Variants in SUV39H2 observed in about 807,000 individuals in gnomAD.
SUV39H2 encodes the protein SUV39H2 histone lysine methyltransferase.
Under a neutral mutation model 47.5 loss-of-function variants are expected in SUV39H2, and 10 were observed. The observed-to-expected ratio is 0.21, with a 90% CI of 0.13 to 0.36. The LOEUF is 0.36. SUV39H2 is among the 10% of genes least tolerant of loss of function. The pLI, the probability that SUV39H2 is intolerant of heterozygous loss-of-function variation, is 1.00. For synonymous variants in SUV39H2, 159 were observed against 166.8 expected (o/e 0.95, Z 0.36); for missense variants, 266 against 487.4 (o/e 0.55, Z 4.28).
At chr10:14,892,052 C>G (rs1271180941) in intron 2 of SUV39H2, among the ~76,000 whole-genome samples, 1 of 152,148 alleles carries the variant, frequency 6.6e-6, no homozygotes, top group Non-Finnish European at 1.5e-5. Context: ...AAAGGGATGC[C>G]AGACAGGGTC....
intron 2 of SUV39H2, among the ~76,000 whole-genome samples, chr10:14,890,432 G>A (rs1262756091): frequency 1.3e-5 from 2 of 152,158 alleles, no homozygotes; most frequent in Non-Finnish European, 2.9e-5. Context: ...TCACTCTGTT[G>A]CCCAAGCTGG....
chr10:14,886,998 G>T (rs1833231188), intron 2 of SUV39H2, among the ~76,000 whole-genome samples: 1 of 152,174 alleles, frequency 6.6e-6, no homozygotes. Flanking sequence ...GTGAGTGAAG[G>T]ATTTTTCAGC....
intron 2 of SUV39H2, among the ~76,000 whole-genome samples, chr10:14,890,981 C>T (rs897826164): frequency 6.6e-6 from 1 of 152,052 alleles, no homozygotes; most frequent in Non-Finnish European, 1.5e-5. Flanking sequence ...TTAGTCACAG[C>T]CTAAGATATG....
intron 1 of SUV39H2, chr10:14,879,180 C>A: frequency 8.8e-7 from 1 of 1,132,642 alleles, no homozygotes; most frequent in Non-Finnish European, 1.1e-6. Context: ...GGCCTCTCCG[C>A]CCGCTCGGCC....
intron 3 of SUV39H2, chr10:14,898,859 C>T (rs1833789222): frequency 4.9e-6 from 1 of 202,116 alleles, no homozygotes; most frequent in African/African-American, 2.3e-5. Context: ...TTTGTAACTG[C>T]ATATATATAA....
chr10:14,890,317 A>C (rs1833347175), intron 2 of SUV39H2, among the ~76,000 whole-genome samples: 1 of 152,168 alleles, frequency 6.6e-6, no homozygotes, highest in African/African-American at 2.4e-5. Flanking sequence ...TGGCATGAAA[A>C]TTCAGTGATT....
intron 4 of SUV39H2, 76 bp from the exon 5 acceptor site, chr10:14,901,057 T>C: frequency 6.5e-7 from 1 of 1,536,214 alleles, no homozygotes; most frequent in East Asian, 2.3e-5. Context: ...TCTAGGAAAG[T>C]AAACATTTTA....
intron 2 of SUV39H2, among the ~76,000 whole-genome samples, chr10:14,884,708 T>C (rs557883322): frequency 7.2e-5 from 11 of 152,186 alleles, no homozygotes; most frequent in Non-Finnish European, 1.5e-4. Context: ...TTATTCAACT[T>C]TTCCCCATTT....
At chr10:14,899,102 T>G (rs1414619350) in intron 3 of SUV39H2, 1 of 632,680 alleles carries the variant, frequency 1.6e-6, no homozygotes, top group African/African-American at 1.8e-5. Context: ...GGAGGCTCAC[T>G]TGAGCCCAGG....
intron 3 of SUV39H2, chr10:14,899,140 T>C (rs2131712002): frequency 1.5e-6 from 1 of 684,442 alleles, no homozygotes; most frequent in Admixed American, 2.0e-5. Context: ...GGCAACATAG[T>C]GAGACCCCAC....
chr10:14,901,303 TA>T (rs1408232664), intron 5 of SUV39H2, 41 bp downstream of exon 5: 1 of 1,611,184 alleles, frequency 6.2e-7, no homozygotes, highest in African/African-American at 1.3e-5. Context: ...TCAGTTTCAA[TA>T]TGAAGAATCA....
At chr10:14,895,358 A>G (rs932732761) in intron 2 of SUV39H2, among the ~76,000 whole-genome samples, 2 of 151,920 alleles carry the variant, frequency 1.3e-5, no homozygotes, top group Admixed American at 1.3e-4. Context: ...TTGTATTTTT[A>G]GTAGACAGGG....
At position 14,899,586 on chromosome 10, in the gene SUV39H2, C is replaced by T. The variant is rs2131714903; in HGVS notation, c.897C>T (p.Asn299=). ...AAAGACGAGGACAGTTCTATGACAA[C>T]AAGGGAATCACGTATCTCTTTGATC... The part of the protein sequence containing the change: ...EAERRGQFYD[N]KGITYLFDLD... The change falls in exon 4 of 6, where the codon AAC becomes AAT. Residue 299 remains asparagine (N), a synonymous_variant. Coordinates refer to ENST00000354919, the MANE Select transcript of SUV39H2 (RefSeq NM_001193424.2). 3 of 1,614,104 alleles carry T rather than the reference C, an allele frequency of 1.9e-6. No individual in the cohort carries two copies. Among genetic ancestry groups the T allele is most frequent in the African/African-American group, 2.7e-5 (2 of 75,034 alleles).
At chr10:14,880,101 T>C (rs1186639247) in intron 1 of SUV39H2, 1 of 152,098 alleles carries the variant, frequency 6.6e-6, no homozygotes, top group Non-Finnish European at 1.5e-5. Flanking sequence ...CTAGTTTTTG[T>C]AGATGGAAGG....
In SUV39H2 at chr10:14,886,537, C is replaced by G. The variant is rs75550031; in HGVS notation, c.177+4892C>G. ...GTCCATGGTCATTGAATTGAATTGTCTTTTGCTTCGGTCATGTTTCTAGGG... is the reference window on the plus strand; with the variant it reads ...GTCCATGGTCATTGAATTGAATTGTGTTTTGCTTCGGTCATGTTTCTAGGG... On this transcript the variant is annotated intron_variant, in intron 2 of 5. Transcript: ENST00000354919. Among the ~76,000 whole-genome samples the G allele has an allele frequency of 3.6e-3, 542 of 152,320 alleles. 4 individuals are homozygous for G. The highest frequency in any genetic ancestry group is 0.012 in the African/African-American group (509 of 41,582).
chr10:14,886,755 C>T (rs1433720614), intron 2 of SUV39H2, among the ~76,000 whole-genome samples: 1 of 152,236 alleles, frequency 6.6e-6, no homozygotes, highest in Non-Finnish European at 1.5e-5. Context: ...CTATAAAGAA[C>T]TCACAGCCTA....
intron 2 of SUV39H2, among the ~76,000 whole-genome samples, chr10:14,885,499 G>A (rs1228730490): frequency 6.6e-6 from 1 of 152,168 alleles, no homozygotes; most frequent in Non-Finnish European, 1.5e-5. Context: ...TTACGGGTCT[G>A]TGCTTACATT....
At chr10:14,883,395 A>G (rs1833102181) in intron 2 of SUV39H2, among the ~76,000 whole-genome samples, 1 of 151,864 alleles carries the variant, frequency 6.6e-6, no homozygotes, top group Admixed American at 6.6e-5. Context: ...CAGCTCACCT[A>G]TTTAAAGTGT....
intron 2 of SUV39H2, among the ~76,000 whole-genome samples, chr10:14,887,924 G>A (rs904401948): frequency 1.3e-5 from 2 of 152,150 alleles, no homozygotes; most frequent in Admixed American, 1.3e-4. Flanking sequence ...GAGGGATTTC[G>A]AGGCAGAAGA....
Sources: allele counts gnomAD v4.1 joint callset (sites outside exome capture counted in the v4.1 genomes callset), GRCh38; gene constraint gnomAD v4.1.1; transcripts MANE v1.5; gene names NCBI Gene and HGNC (gene_info 2026-07-23, HGNC 2026-07-21).